The following DGKI variants were observed in gnomAD, a reference collection of about 807,000 sequenced individuals.
DGKI encodes the protein DAG kinase iota.
A neutral mutation model predicts 147.5 loss-of-function variants in DGKI; 55 were observed. The ratio of observed to expected loss-of-function variants is 0.37; its 90% confidence interval spans 0.30 to 0.47. The LOEUF (loss-of-function observed/expected upper bound fraction) is 0.47. Ranked by LOEUF, DGKI falls within the 20% of genes least tolerant of loss-of-function variation. DGKI has a pLI of 1.00. For missense variants in DGKI, 1,007 were observed against 1,323.8 expected, an observed-to-expected ratio of 0.76 and a Z score of 3.71; for synonymous variants, 469 against 477.1, an observed-to-expected ratio of 0.98 and a Z score of 0.22.
chr7:137,390,896 G>C lies in DGKI; in HGVS notation c.*324C>G, dbSNP rs1356397699. On this transcript the variant is annotated 3_prime_UTR_variant, in exon 33 of 33. Coordinates refer to ENST00000614521, the MANE Select transcript of DGKI (RefSeq NM_001321708.2). The stretch of plus-strand genomic sequence containing the variant: ...GAGGATGGAGCAGTGCCATTTATAC[G>C]AACATCCTTTGAATCTTTAAAATAA... 3.3e-6 allele frequency: 1 copy of C among 303,698 alleles called. No homozygotes were observed. Among genetic ancestry groups the C allele is most frequent in the African/African-American group, 2.2e-5 (1 of 44,516 alleles). The allele number at this position is 303,698 out of a possible 1,614,324, so 18.8% of individuals were successfully genotyped here.
intron 23 of DGKI, among the ~76,000 whole-genome samples, chr7:137,477,694 T>G (rs1815222196): frequency 6.6e-6 from 1 of 152,154 alleles, no homozygotes; most frequent in Non-Finnish European, 1.5e-5. Context: ...TCTCACCCTG[T>G]CACCCAGGCG....
intron 28 of DGKI, among the ~76,000 whole-genome samples, chr7:137,428,532 G>C (rs1346225116): frequency 2.6e-5 from 4 of 151,610 alleles, no homozygotes; most frequent in Non-Finnish European, 5.9e-5. Flanking sequence ...ATTTGACATA[G>C]TGTTGGAAGT....
chr7:137,603,727 G>A (rs958359105), intron 10 of DGKI, among the ~76,000 whole-genome samples: 1 of 152,160 alleles, frequency 6.6e-6, no homozygotes, highest in African/African-American at 2.4e-5. Flanking sequence ...AAAATGAGTA[G>A]ACTTAACTAT....
intron 1 of DGKI, among the ~76,000 whole-genome samples, chr7:137,831,767 C>T (rs1798227693): frequency 2.0e-5 from 3 of 152,226 alleles, no homozygotes; most frequent in African/African-American, 7.2e-5. Context: ...TCAGCATTAA[C>T]TCAAAAGTCC....
At chr7:137,444,500 C>G (rs1813636870) in intron 27 of DGKI, among the ~76,000 whole-genome samples, 1 of 152,226 alleles carries the variant, frequency 6.6e-6, no homozygotes, top group African/African-American at 2.4e-5. Flanking sequence ...ACAAAGAGAT[C>G]TACTTGAACA....
At chr7:137,645,869 A>G (rs1821806898) in intron 5 of DGKI, among the ~76,000 whole-genome samples, 1 of 152,256 alleles carries the variant, frequency 6.6e-6, no homozygotes, top group Non-Finnish European at 1.5e-5. Flanking sequence ...AATAAACATG[A>G]ATCTACGTGG....
At chr7:137,789,975 C>T (rs527259801) in intron 1 of DGKI, among the ~76,000 whole-genome samples, 1 of 152,112 alleles carries the variant, frequency 6.6e-6, no homozygotes, top group Non-Finnish European at 1.5e-5. Context: ...TAATCTATAG[C>T]AAGGATTGCA....
intron 21 of DGKI, among the ~76,000 whole-genome samples, chr7:137,497,967 A>C (rs1296619781): frequency 6.6e-6 from 1 of 152,142 alleles, no homozygotes; most frequent in Non-Finnish European, 1.5e-5. Context: ...AGTTTTTTTA[A>C]AAATAGAAAA....
intron 1 of DGKI, among the ~76,000 whole-genome samples, chr7:137,753,485 T>G (rs975218510): frequency 7.2e-5 from 11 of 152,102 alleles, no homozygotes. Context: ...AACACACACA[T>G]TTATCACAGA....
At chr7:137,531,288 C>T (rs781671139) in intron 20 of DGKI, among the ~76,000 whole-genome samples, 1 of 152,178 alleles carries the variant, frequency 6.6e-6, no homozygotes, top group Non-Finnish European at 1.5e-5. Context: ...TCTTTCATCA[C>T]ATCAGGCCAA....
chr7:137,520,983 G>A (rs528236222), intron 21 of DGKI, among the ~76,000 whole-genome samples: 60 of 152,078 alleles, frequency 3.9e-4, no homozygotes, highest in African/African-American at 1.4e-3. Context: ...TAAGTCTTTG[G>A]TTCCATATAA....
intron 29 of DGKI, among the ~76,000 whole-genome samples, chr7:137,409,257 A>G (rs1165821400): frequency 6.6e-6 from 1 of 152,228 alleles, no homozygotes; most frequent in East Asian, 1.9e-4. Context: ...TTCTTAAAAA[A>G]AGAACCTAAA....
intron 7 of DGKI, among the ~76,000 whole-genome samples, chr7:137,622,855 A>G (rs1012006196): frequency 5.9e-5 from 9 of 152,242 alleles, no homozygotes; most frequent in African/African-American, 2.2e-4. Context: ...AAAAAGGTAG[A>G]TTAAAGAAAA....
chr7:137,587,591 C>T (rs549288033), intron 12 of DGKI, among the ~76,000 whole-genome samples: 3 of 152,158 alleles, frequency 2.0e-5, no homozygotes, highest in Non-Finnish European at 4.4e-5. Flanking sequence ...GCTGCATAAC[C>T]TTGACTAAAT....
chr7:137,831,125 T>C (rs1302267969), intron 1 of DGKI, among the ~76,000 whole-genome samples: 3 of 152,232 alleles, frequency 2.0e-5, no homozygotes, highest in Non-Finnish European at 4.4e-5. Context: ...GGCGTAACTA[T>C]GCCCCTAATG....
intron 27 of DGKI, among the ~76,000 whole-genome samples, chr7:137,459,664 C>T (rs933589906): frequency 2.0e-5 from 3 of 151,500 alleles, no homozygotes; most frequent in African/African-American, 7.3e-5. Context: ...TTAGTAGAGA[C>T]GGGGTTTCAC....
intron 3 of DGKI, among the ~76,000 whole-genome samples, chr7:137,674,301 TC>T (rs1822951917): frequency 6.6e-6 from 1 of 152,174 alleles, no homozygotes; most frequent in Admixed American, 6.5e-5. Flanking sequence ...GAACAAACTC[TC>T]CTACAGCTGT....
At chr7:137,624,147 A>G (rs930014141) in intron 6 of DGKI, among the ~76,000 whole-genome samples, 8 of 152,354 alleles carry the variant, frequency 5.3e-5, no homozygotes, top group Admixed American at 3.9e-4. Context: ...AATCAATGAA[A>G]TGGTAAACCT....
chr7:137,816,674 T>G (rs1797745398), intron 1 of DGKI, among the ~76,000 whole-genome samples: 1 of 152,136 alleles, frequency 6.6e-6, no homozygotes, highest in Non-Finnish European at 1.5e-5. Flanking sequence ...TAATATAACA[T>G]TAGATGGTAT....
Sources: allele counts gnomAD v4.1 joint callset (sites outside exome capture counted in the v4.1 genomes callset), GRCh38; gene constraint gnomAD v4.1.1; transcripts MANE v1.5; gene names NCBI Gene and HGNC (gene_info 2026-07-23, HGNC 2026-07-21).